PLEKHF2: variants seen among roughly 807,000 people sequenced by gnomAD.
The protein encoded by PLEKHF2 is pleckstrin homology domain-containing family F member 2.
PLEKHF2 carries 4 observed loss-of-function variants against 14.7 expected under a neutral mutation model. The ratio of observed to expected loss-of-function variants is 0.27; its 90% CI spans 0.13 to 0.62. The LOEUF is 0.62. PLEKHF2 is among the 20% of genes least tolerant of loss of function. The probability of loss-of-function intolerance (pLI) is 0.85; values close to 1 mark genes in which losing one functional copy is unlikely to be tolerated. For synonymous variants in PLEKHF2, 90 were observed against 103.5 expected, an observed-to-expected ratio of 0.87 and a Z score of 0.79; for missense variants, 201 against 307.7, an observed-to-expected ratio of 0.65 and a Z score of 2.60.
intron 1 of PLEKHF2, among the ~76,000 whole-genome samples, chr8:95,150,807 A>T (rs755436495): frequency 2.0e-5 from 3 of 152,136 alleles, no homozygotes; most frequent in Non-Finnish European, 4.4e-5. Context: ...GTTCTTGTAG[A>T]TTCAGTGGAG....
chr8:95,136,633 G>A (rs1810379203), intron 1 of PLEKHF2, among the ~76,000 whole-genome samples: 1 of 152,098 alleles, frequency 6.6e-6, no homozygotes, highest in Admixed American at 6.6e-5. Flanking sequence ...TTAAGCTCTT[G>A]GAACAAATCT....
chr8:95,135,037 G>T (rs922274478), intron 1 of PLEKHF2, among the ~76,000 whole-genome samples: 28 of 152,142 alleles, frequency 1.8e-4, no homozygotes, highest in African/African-American at 6.7e-4. Context: ...CAGCTCGTGG[G>T]GTCTTCACGT....
At chr8:95,136,821 TA>T (rs1587302571) in intron 1 of PLEKHF2, among the ~76,000 whole-genome samples, 2 of 152,208 alleles carry the variant, frequency 1.3e-5, no homozygotes, top group African/African-American at 4.8e-5. Context: ...CTTAACTGAA[TA>T]AAAAATACTT....
chr8:95,138,066 G>A (rs1202901835), intron 1 of PLEKHF2, among the ~76,000 whole-genome samples: 1 of 151,908 alleles, frequency 6.6e-6, no homozygotes, highest in Non-Finnish European at 1.5e-5. Context: ...CCTTTGCTGG[G>A]TGTAACTGGT....
At chr8:95,135,053 C>G (rs896541184) in intron 1 of PLEKHF2, among the ~76,000 whole-genome samples, 2 of 152,068 alleles carry the variant, frequency 1.3e-5, no homozygotes, top group Non-Finnish European at 2.9e-5. Flanking sequence ...CACGTTAATT[C>G]AGTATTAACG....
intron 1 of PLEKHF2, among the ~76,000 whole-genome samples, chr8:95,145,026 A>G (rs2132107907): frequency 6.6e-6 from 1 of 152,324 alleles, no homozygotes; most frequent in East Asian, 1.9e-4. Flanking sequence ...TGAATGTGCT[A>G]TTATGCACAT....
chr8:95,153,977 C>G, intron 1 of PLEKHF2, 54 bp from the exon 2 acceptor site: 5 of 1,277,284 alleles, frequency 3.9e-6, no homozygotes, highest in Non-Finnish European at 5.2e-6. Context: ...ATATAATTAA[C>G]TTATAGGAAT....
rs879898091 is a variant in PLEKHF2 at position 95,145,440 on chromosome 8, CT to C, written c.-14-8578del. Reference sequence around the variant, plus strand: ...CAATTTACTAAATTTTGAAATATTTCTTTTTTTTTTTTTCTTTGAGATGGAG... The same window carrying C: ...CAATTTACTAAATTTTGAAATATTTCTTTTTTTTTTTTCTTTGAGATGGAG... On this transcript the variant is annotated intron_variant, in intron 1 of 1. Coordinates refer to ENST00000315367, the MANE Select transcript of PLEKHF2 (RefSeq NM_024613.4). Among the ~76,000 whole-genome samples, 514 of 145,006 alleles carry C rather than the reference CT, an allele frequency of 3.5e-3. 1 individual carries two copies. Among genetic ancestry groups the C allele is most frequent in the African/African-American group, 8.7e-3 (347 of 39,860 alleles).
At chr8:95,151,685 A>C (rs559808324) in intron 1 of PLEKHF2, among the ~76,000 whole-genome samples, 1 of 151,882 alleles carries the variant, frequency 6.6e-6, no homozygotes, top group African/African-American at 2.4e-5. Context: ...ATTATTTTTT[A>C]AAATTTTTAT....
intron 1 of PLEKHF2, among the ~76,000 whole-genome samples, chr8:95,143,290 A>G (rs1563882402): frequency 6.6e-6 from 1 of 151,798 alleles, no homozygotes; most frequent in Non-Finnish European, 1.5e-5. Flanking sequence ...CAGTAGAGAC[A>G]GGCTTTCACC....
At position 95,143,012 on chromosome 8, in the gene PLEKHF2, G is replaced by A. The variant is rs181771023; in HGVS notation, c.-15+8982G>A. On this transcript the variant is annotated intron_variant, in intron 1 of 1. Coordinates refer to ENST00000315367, the MANE Select transcript of PLEKHF2 (RefSeq NM_024613.4). ...CTAACTGCTGATTGTATTCAGTTCA[G>A]TGCACATTGGCACATTGATGCCATT... Among the ~76,000 whole-genome samples, 297 of 152,074 alleles carry A rather than the reference G, an allele frequency of 2.0e-3. 2 individuals carry two copies. Among genetic ancestry groups the A allele is most frequent in the Middle Eastern group, 0.014 (4 of 292 alleles).
intron 1 of PLEKHF2, among the ~76,000 whole-genome samples, chr8:95,135,030 C>T (rs1810361317): frequency 6.6e-6 from 1 of 152,128 alleles, no homozygotes; most frequent in Non-Finnish European, 1.5e-5. Context: ...ACTCTGGCAG[C>T]TCGTGGGGTC....
intron 1 of PLEKHF2, among the ~76,000 whole-genome samples, chr8:95,146,602 A>G (rs1810503550): frequency 6.6e-6 from 1 of 152,058 alleles, no homozygotes; most frequent in African/African-American, 2.4e-5. Flanking sequence ...TTACTTTAAA[A>G]GCAAGATGTT....
chr8:95,154,454 G>A lies in PLEKHF2; in HGVS notation c.410G>A (p.Ser137Asn). The A allele has an allele frequency of 1.9e-6, 3 of 1,614,102 alleles. No homozygotes were observed. The highest frequency in any genetic ancestry group is 2.5e-6 in the Non-Finnish European group (3 of 1,179,942). The change falls in exon 2 of 2, where the codon AGT (serine) becomes AAT (asparagine). Residue 137 changes from serine (S) to asparagine (N), a missense_variant. By Grantham distance (46) the Ser-to-Asn change is conservative. Transcript: ENST00000315367. This position sits in a 1 kb window ranked among gnomAD's most constrained non-coding sequence, Gnocchi z 5.6. ...NKCVTDLLSK[S>N]GKTPSNEHAA... Reference sequence around the variant, plus strand: ...TGTGTTACTGATTTACTCTCCAAAAGTGGGAAGACACCCAGTAATGAACAT... The same window carrying A: ...TGTGTTACTGATTTACTCTCCAAAAATGGGAAGACACCCAGTAATGAACAT...
chr8:95,149,244 C>T (rs971661391), intron 1 of PLEKHF2, among the ~76,000 whole-genome samples: 8 of 152,106 alleles, frequency 5.3e-5, no homozygotes, highest in Admixed American at 5.2e-4. Flanking sequence ...ACTCCTCATC[C>T]CTTAAGACTC....
At chr8:95,140,599 C>A (rs1810429477) in intron 1 of PLEKHF2, among the ~76,000 whole-genome samples, 1 of 152,186 alleles carries the variant, frequency 6.6e-6, no homozygotes, top group African/African-American at 2.4e-5. Flanking sequence ...GCCTAGGCTC[C>A]ATTATTTCCT....
At chr8:95,148,819 T>C (rs2132109603) in intron 1 of PLEKHF2, among the ~76,000 whole-genome samples, 1 of 152,270 alleles carries the variant, frequency 6.6e-6, no homozygotes, top group Admixed American at 6.5e-5. Flanking sequence ...GAATACATTT[T>C]AGGTGGATAA....
At chr8:95,150,069 C>G (rs968199686) in intron 1 of PLEKHF2, among the ~76,000 whole-genome samples, 3 of 152,128 alleles carry the variant, frequency 2.0e-5, no homozygotes, top group Non-Finnish European at 4.4e-5. Context: ...TTTGGGGTAT[C>G]TAGCTGTAAC....
rs1400178191 is a variant in PLEKHF2, at chr8:95,133,859, C to T, written c.-186C>T. 2.6e-5 allele frequency: 4 copies of T among 152,474 alleles called. No individual in the cohort carries two copies. The highest frequency in any genetic ancestry group is 5.9e-5 in the Non-Finnish European group (4 of 68,372). 9.4% of individuals were successfully genotyped at this position (152,474 alleles called of 1,614,324 possible). A position where few individuals can be genotyped will look rare whatever the true frequency, so the allele number is the denominator to read the frequency against. On this transcript the variant is annotated 5_prime_UTR_variant, in exon 1 of 2. Transcript: ENST00000315367. ...AGTCACCTGCGAGCGGCTGCGCTGG[C>T]GGCCAGCCCGCCCACCGCGTCTGGA...
Sources: gnomAD v4.1 joint callset for allele counts (sites outside exome capture counted in the v4.1 genomes callset) on GRCh38, gnomAD v4.1.1 for gene constraint, Gnocchi (gnomAD v3.1) non-coding constraint, MANE v1.5 for transcripts, NCBI Gene and HGNC (gene_info 2026-07-23, HGNC 2026-07-21) for gene names.